The following MIPOL1 variants were observed in gnomAD, a reference collection of about 807,000 sequenced individuals.
MIPOL1 encodes the protein mirror-image polydactyly gene 1 protein.
A neutral mutation model predicts 60.9 loss-of-function variants in MIPOL1; 57 were observed. That is an observed-to-expected ratio of 0.94 (90% CI 0.76 to 1.17). The LOEUF (loss-of-function observed/expected upper bound fraction) is 1.17, where lower values mean the gene tolerates loss of function less well. MIPOL1 is among the 50% of genes most tolerant of loss of function. MIPOL1 has a pLI of 0.00. For missense variants in MIPOL1, 551 were observed against 511.6 expected, an observed-to-expected ratio of 1.08 and a Z score of -0.74; for synonymous variants, 179 against 168.8, an observed-to-expected ratio of 1.06 and a Z score of -0.47.
intron 6 of MIPOL1, among the ~76,000 whole-genome samples, chr14:37,275,088 T>C (rs17106544): frequency 0.084 from 12,706 of 151,142 alleles, 822 homozygotes; most frequent in East Asian, 0.32. Context: ...TTAACCTTAT[T>C]TCAAAAGTGT....
chr14:37,287,733 C>G (rs1346459445), intron 7 of MIPOL1, among the ~76,000 whole-genome samples: 1 of 151,704 alleles, frequency 6.6e-6, no homozygotes, highest in South Asian at 2.1e-4. Context: ...ACAAATGAGA[C>G]TGAAAAAAAA....
rs191247842 is a variant in MIPOL1, at chr14:37,291,741, C to T, written c.623+6294C>T. On this transcript the variant is annotated intron_variant, in intron 7 of 12. Coordinates refer to ENST00000684589, the MANE Select transcript of MIPOL1 (RefSeq NM_001388067.1). ...CGAGGTGCTGGCATCTTTCAAGGGC[C>T]TTCTTGCCAAGTCATCACATGGTGG... Among the ~76,000 whole-genome samples the T allele has an allele frequency of 1.7e-3, 251 of 152,008 alleles. 1 individual carries two copies. Among genetic ancestry groups the T allele is most frequent in the African/African-American group, 5.7e-3 (237 of 41,434 alleles).
chr14:37,493,053 C>A (rs934937377), intron 11 of MIPOL1, among the ~76,000 whole-genome samples: 1 of 152,178 alleles, frequency 6.6e-6, no homozygotes, highest in African/African-American at 2.4e-5. Flanking sequence ...AATGATTGAG[C>A]AATTACTGTA....
intron 11 of MIPOL1, among the ~76,000 whole-genome samples, chr14:37,495,124 T>C (rs968727961): frequency 6.6e-6 from 1 of 151,598 alleles, no homozygotes; most frequent in Non-Finnish European, 1.5e-5. Flanking sequence ...TTTCTTTTTT[T>C]TTTTTTTAAT....
intron 11 of MIPOL1, among the ~76,000 whole-genome samples, chr14:37,433,852 G>A (rs542452022): frequency 2.9e-4 from 44 of 152,198 alleles, no homozygotes; most frequent in African/African-American, 1.0e-3. Flanking sequence ...CACCGCACCC[G>A]ACCCTGAACT....
At chr14:37,325,857 C>A (rs865845889) in intron 9 of MIPOL1, among the ~76,000 whole-genome samples, 5 of 152,156 alleles carry the variant, frequency 3.3e-5, no homozygotes, top group Non-Finnish European at 4.4e-5. Flanking sequence ...TAGCAGCCTC[C>A]TTCCTCACCT....
intron 1 of MIPOL1, among the ~76,000 whole-genome samples, chr14:37,237,271 C>G (rs1971633518): frequency 6.6e-6 from 1 of 151,942 alleles, no homozygotes; most frequent in Non-Finnish European, 1.5e-5. Context: ...CAGACATGCA[C>G]AACAATTTGT....
At chr14:37,426,298 A>G (rs1373749906) in intron 11 of MIPOL1, among the ~76,000 whole-genome samples, 2 of 151,924 alleles carry the variant, frequency 1.3e-5, no homozygotes, top group African/African-American at 4.8e-5. Context: ...AACCCCCTAC[A>G]TAAAGTAGGG....
intron 11 of MIPOL1, among the ~76,000 whole-genome samples, chr14:37,470,038 A>G (rs546090535): frequency 2.5e-4 from 38 of 152,052 alleles, no homozygotes; most frequent in Non-Finnish European, 5.1e-4. Flanking sequence ...AGAGATAAAT[A>G]TTAAGGATGA....
At chr14:37,382,844 T>C (rs1315897093) in intron 10 of MIPOL1, among the ~76,000 whole-genome samples, 1 of 151,924 alleles carries the variant, frequency 6.6e-6, no homozygotes, top group Non-Finnish European at 1.5e-5. Context: ...AAAAAAGGCA[T>C]CTTGGAAAAT....
intron 3 of MIPOL1, among the ~76,000 whole-genome samples, chr14:37,249,031 C>T (rs932220678): frequency 4.0e-5 from 6 of 151,366 alleles, no homozygotes; most frequent in East Asian, 1.9e-4. Flanking sequence ...GATGGATGGA[C>T]GGACAGTCAG....
chr14:37,217,781 T>A (rs1407136146), intron 1 of MIPOL1, among the ~76,000 whole-genome samples: 1 of 152,196 alleles, frequency 6.6e-6, no homozygotes, highest in Non-Finnish European at 1.5e-5. Context: ...ACAGTTAATA[T>A]CATACTGAAT....
intron 9 of MIPOL1, among the ~76,000 whole-genome samples, chr14:37,349,914 C>A (rs2091229095): frequency 6.6e-6 from 1 of 151,958 alleles, no homozygotes; most frequent in Non-Finnish European, 1.5e-5. Flanking sequence ...AATAGACGTT[C>A]CTTGGAGGAG....
intron 6 of MIPOL1, among the ~76,000 whole-genome samples, chr14:37,282,480 C>T (rs1205043484): frequency 6.6e-6 from 1 of 151,734 alleles, no homozygotes; most frequent in Non-Finnish European, 1.5e-5. Flanking sequence ...TAGCTCACAC[C>T]TATAATCCCA....
At chr14:37,256,170 T>C (rs1567170308) in intron 3 of MIPOL1, among the ~76,000 whole-genome samples, 2 of 151,954 alleles carry the variant, frequency 1.3e-5, no homozygotes, top group Admixed American at 6.6e-5. Context: ...TATTTCTTTC[T>C]TTAATTAATG....
chr14:37,550,973 G>T lies in MIPOL1; in HGVS notation c.*4002G>T, dbSNP rs1171856384. 1.3e-5 allele frequency: 2 copies of T among 151,976 alleles called. No homozygotes were observed. The highest frequency in any genetic ancestry group is 4.8e-5 in the African/African-American group (2 of 41,406). 9.4% of individuals were successfully genotyped at this position (151,976 alleles called of 1,614,324 possible). ...AAGTTAAGTTAAACTTCTAAAAGTT[G>T]AATTATTTAATGTAGGACTTCATAA... On this transcript the variant is annotated 3_prime_UTR_variant, in exon 13 of 13. Transcript: ENST00000684589.
rs1002164105 is a variant in MIPOL1 at position 37,456,865 on chromosome 14, A to G, written c.1031+33916A>G. On this transcript the variant is annotated intron_variant, in intron 11 of 12. Transcript: ENST00000684589. ...ATAAAAATATAGAATCTTTTGGAATAAAGTATGAACATATGAAAACTCACT... is the reference window on the plus strand; with the variant it reads ...ATAAAAATATAGAATCTTTTGGAATGAAGTATGAACATATGAAAACTCACT... 2.6e-5 allele frequency among the ~76,000 whole-genome samples: 4 copies of G among 152,156 alleles called. No homozygotes were observed. In the East Asian group the frequency reaches 5.8e-4, roughly 22 times the overall value.
intron 12 of MIPOL1, among the ~76,000 whole-genome samples, chr14:37,516,804 C>T (rs2095372500): frequency 6.6e-6 from 1 of 152,022 alleles, no homozygotes; most frequent in South Asian, 2.1e-4. Flanking sequence ...TTAGAATAAA[C>T]TATATTATAC....
chr14:37,204,057 C>T (rs906553463), intron 1 of MIPOL1, among the ~76,000 whole-genome samples: 1 of 152,068 alleles, frequency 6.6e-6, no homozygotes, highest in African/African-American at 2.4e-5. Context: ...GCTGGGATTA[C>T]AGACGTGAGC....
Sources: gnomAD v4.1 joint callset for allele counts (sites outside exome capture counted in the v4.1 genomes callset) on GRCh38, gnomAD v4.1.1 for gene constraint, MANE v1.5 for transcripts, NCBI Gene and HGNC (gene_info 2026-07-23, HGNC 2026-07-21) for gene names.